The following TMEM117 variants were observed in gnomAD, a reference collection of about 807,000 sequenced individuals.
The protein encoded by TMEM117 is transmembrane protein 117.
TMEM117 carries 27 observed loss-of-function variants against 52.4 expected under a neutral mutation model. The ratio of observed to expected loss-of-function variants is 0.51; its 90% CI spans 0.38 to 0.71. TMEM117 has a LOEUF of 0.71. Among genes scored for constraint, TMEM117 ranks in the 30% least tolerant of loss-of-function variants. The pLI, the probability that TMEM117 is intolerant of heterozygous loss-of-function variation, is 0.00. For synonymous variants in TMEM117, 215 were observed against 206.3 expected, an observed-to-expected ratio of 1.04 and a Z score of -0.36; for missense variants, 556 against 630.5, an observed-to-expected ratio of 0.88 and a Z score of 1.26.
chr12:44,327,103 G>A (rs575691443), intron 6 of TMEM117, among the ~76,000 whole-genome samples: 1 of 151,946 alleles, frequency 6.6e-6, no homozygotes, highest in Non-Finnish European at 1.5e-5. Context: ...CTATACTGTA[G>A]GTACTGGGGC....
chr12:44,021,132 G>A lies in TMEM117; in HGVS notation c.410+76790G>A, dbSNP rs148835820. On this transcript the variant is annotated intron_variant, in intron 3 of 7. Coordinates refer to ENST00000266534, the MANE Select transcript of TMEM117 (RefSeq NM_032256.3). ...ACGTAAATAAACTTATTTTAGGATC[G>A]GGGGTACATGTGATGGGTTGTTACA... Among the ~76,000 whole-genome samples, 1,073 of 152,160 alleles carry A rather than the reference G, an allele frequency of 7.1e-3. 11 individuals are homozygous for A. The highest frequency in any genetic ancestry group is 0.024 in the African/African-American group (997 of 41,502).
chr12:44,105,787 G>A (rs1315703445), intron 3 of TMEM117, among the ~76,000 whole-genome samples: 1 of 151,972 alleles, frequency 6.6e-6, no homozygotes, highest in Non-Finnish European at 1.5e-5. Context: ...AATAAGGTTA[G>A]GCATCATAAA....
At chr12:44,390,563 T>G (rs1022071813), downstream of TMEM117, among the ~76,000 whole-genome samples, 7 of 151,920 alleles carry the variant, frequency 4.6e-5, no homozygotes, top group Non-Finnish European at 1.0e-4. Flanking sequence ...TTAGCAGAAG[T>G]AAGACAGAAA....
At chr12:43,833,054 G>T (rs536115854), upstream of TMEM117, among the ~76,000 whole-genome samples, 1 of 152,258 alleles carries the variant, frequency 6.6e-6, no homozygotes, top group African/African-American at 2.4e-5. Context: ...GGTTAAAAAG[G>T]GAACATTGAT....
chr12:44,139,867 A>G (rs1397144191), intron 3 of TMEM117, among the ~76,000 whole-genome samples: 2 of 152,128 alleles, frequency 1.3e-5, no homozygotes, highest in Non-Finnish European at 2.9e-5. Flanking sequence ...TGCTGATATA[A>G]ATATATGCCT....
At chr12:43,845,001 A>T in intron 2 of TMEM117, 73 bp downstream of exon 2, 1 of 1,522,508 alleles carries the variant, frequency 6.6e-7, no homozygotes, top group Non-Finnish European at 8.8e-7. Flanking sequence ...CAACTTTGCT[A>T]TTTCTAAGTG....
intron 2 of TMEM117, among the ~76,000 whole-genome samples, chr12:43,904,183 A>C (rs1050440593): frequency 1.3e-5 from 2 of 152,214 alleles, no homozygotes; most frequent in East Asian, 3.9e-4. Flanking sequence ...GATTCATTAA[A>C]TAGTTCATAA....
intron 5 of TMEM117, among the ~76,000 whole-genome samples, chr12:44,255,634 G>T (rs893471208): frequency 1.3e-5 from 2 of 152,010 alleles, no homozygotes; most frequent in Non-Finnish European, 2.9e-5. Flanking sequence ...GTAAAAGCAG[G>T]ATATAAACTT....
upstream of TMEM117, among the ~76,000 whole-genome samples, chr12:43,831,943 G>A (rs929575747): frequency 6.6e-6 from 1 of 152,228 alleles, no homozygotes; most frequent in Non-Finnish European, 1.5e-5. Flanking sequence ...GACTTCAGAT[G>A]TGGAGGTGGA....
the TMEM117 span, chr12:43,805,695 A>T: frequency 1.1e-6 from 1 of 881,098 alleles, no homozygotes; most frequent in African/African-American, 1.7e-5. Flanking sequence ...CATAACTCTC[A>T]TTTTCCTATT....
At chr12:44,203,743 T>C (rs768709852) in intron 4 of TMEM117, among the ~76,000 whole-genome samples, 2 of 152,190 alleles carry the variant, frequency 1.3e-5, no homozygotes, top group Non-Finnish European at 2.9e-5. Context: ...TTAAGTTTCA[T>C]TTAATTGTAT....
chr12:44,011,917 T>C (rs905168999), intron 3 of TMEM117, among the ~76,000 whole-genome samples: 3 of 152,220 alleles, frequency 2.0e-5, no homozygotes, highest in Non-Finnish European at 4.4e-5. Flanking sequence ...GACAAAGAGA[T>C]GATTCACTTC....
In TMEM117 at chr12:44,350,726, A is replaced by G. The variant is rs546591553; in HGVS notation, c.769-25869A>G. Among the ~76,000 whole-genome samples the G allele has an allele frequency of 8.5e-5, 13 of 152,058 alleles. 1 individual carries two copies. In the South Asian group the frequency reaches 2.7e-3, roughly 31 times the overall value. ...TTGTTTTATGGCTGAAGAGTACTCTATTGTGTATATGTGCCCATTTTCTTC... is the reference window on the plus strand; with the variant it reads ...TTGTTTTATGGCTGAAGAGTACTCTGTTGTGTATATGTGCCCATTTTCTTC... On this transcript the variant is annotated intron_variant, in intron 6 of 7. Coordinates refer to ENST00000266534, the MANE Select transcript of TMEM117 (RefSeq NM_032256.3).
intron 4 of TMEM117, among the ~76,000 whole-genome samples, chr12:44,183,429 T>C (rs940153573): frequency 2.6e-4 from 39 of 152,300 alleles, no homozygotes; most frequent in Middle Eastern, 3.4e-3. Context: ...ATAAAGTGCT[T>C]TATAAAGTAC....
In TMEM117 at chr12:44,388,160, G is replaced by A. The variant is rs764789748; in HGVS notation, c.1033G>A (p.Asp345Asn). The A allele has an allele frequency of 1.9e-6, 3 of 1,613,240 alleles. No homozygotes were observed. The highest frequency in any genetic ancestry group is 2.5e-6 in the Non-Finnish European group (3 of 1,179,576). The stretch of plus-strand genomic sequence containing the variant: ...GGGGCAGAAGATATATACAGTGAAA[G>A]ACTCAGAAAGTTTAAAAGATTTGAA... ...GPGQKIYTVK[D>N]SESLKDLNRT... is the part of the protein sequence containing the mutation. Residue 345 changes from aspartate (D) to asparagine (N), a missense_variant, in exon 8 of 8, where the codon GAC becomes AAC. Asp to Asn is a conservative substitution (Grantham distance 23). Coordinates refer to ENST00000266534, the MANE Select transcript of TMEM117 (RefSeq NM_032256.3).
At chr12:44,181,471 G>A (rs1949197801) in intron 4 of TMEM117, among the ~76,000 whole-genome samples, 1 of 150,318 alleles carries the variant, frequency 6.7e-6, no homozygotes, top group Non-Finnish European at 1.5e-5. Context: ...TTCTTCTAGG[G>A]TTTTTATGGT....
intron 3 of TMEM117, among the ~76,000 whole-genome samples, chr12:44,064,646 C>T (rs1276810954): frequency 1.3e-5 from 2 of 152,020 alleles, no homozygotes; most frequent in African/African-American, 4.8e-5. Context: ...AGCTTTCTCT[C>T]CTGAATGGTA....
chr12:44,270,709 G>A (rs571775932), intron 5 of TMEM117, among the ~76,000 whole-genome samples: 1 of 152,058 alleles, frequency 6.6e-6, no homozygotes, highest in African/African-American at 2.4e-5. Context: ...CAAAGGGAAT[G>A]CTTTCAACTT....
At chr12:43,833,661 C>T (rs901220447), upstream of TMEM117, among the ~76,000 whole-genome samples, 3 of 150,998 alleles carry the variant, frequency 2.0e-5, no homozygotes, top group Admixed American at 1.3e-4. Flanking sequence ...TGGTGGTGTG[C>T]ACCTGTGGTC....
Sources: gnomAD v4.1 joint callset for allele counts (sites outside exome capture counted in the v4.1 genomes callset) on GRCh38, gnomAD v4.1.1 for gene constraint, MANE v1.5 for transcripts, NCBI Gene and HGNC (gene_info 2026-07-23, HGNC 2026-07-21) for gene names.